SLC12A7: variants seen among roughly 807,000 people sequenced by gnomAD.
SLC12A7 encodes solute carrier family 12 member 7, also known as K-Cl cotransporter 4.
A neutral mutation model predicts 120.6 loss-of-function variants in SLC12A7; 100 were observed. The observed-to-expected ratio is 0.83, with a 90% CI of 0.71 to 0.98. SLC12A7 has a LOEUF of 0.98. Among genes scored for constraint, SLC12A7 ranks in the 50% least tolerant of loss-of-function variants. SLC12A7 has a pLI of 0.00. For missense variants in SLC12A7, 1,373 were observed against 1,548.1 expected (o/e 0.89, Z 1.90); for synonymous variants, 760 against 678.0 (o/e 1.12, Z -1.88).
chr5:1,079,729 G>A (rs1389955872), intron 9 of SLC12A7, among the ~76,000 whole-genome samples: 8 of 152,180 alleles, frequency 5.3e-5, no homozygotes, highest in African/African-American at 1.2e-4. Context: ...ATCCGAGGAC[G>A]AGAACCGACC....
Position 1,052,294 on chromosome 5 carries a change from GC to G in SLC12A7, c.*65del. 1 of 1,366,030 alleles carries G rather than the reference GC, an allele frequency of 7.3e-7. No individual in the cohort carries two copies. The highest frequency in any genetic ancestry group is 1.0e-6 in the Non-Finnish European group (1 of 956,666). The allele number at this position is 1,366,030 out of a possible 1,614,324, so 84.6% of individuals were successfully genotyped here. On this transcript the variant is annotated 3_prime_UTR_variant, in exon 24 of 24. Transcript: ENST00000264930. Reference sequence around the variant, plus strand: ...TCTGCCGTCTGTTTCCCTGGGCCAAGCCCAGGCCCAGGCTGCCCACGCCGTC... The same window carrying G: ...TCTGCCGTCTGTTTCCCTGGGCCAAGCCAGGCCCAGGCTGCCCACGCCGTC...
chr5:1,140,870 A>G, the SLC12A7 span, among the ~76,000 whole-genome samples: 3 of 152,142 alleles, frequency 2.0e-5, no homozygotes, highest in African/African-American at 7.2e-5. Flanking sequence ...ACGCCATGGG[A>G]GAATGTTCTG....
rs897278079 is a variant in SLC12A7, at chr5:1,057,016, G to A, written c.3026+455C>T. On this transcript the variant is annotated intron_variant, in intron 22 of 23. Coordinates refer to ENST00000264930, the MANE Select transcript of SLC12A7 (RefSeq NM_006598.3). ...AACAGACCCATCTGCCTGCTGCAGT[G>A]AGGCTTGCCTGAGTAAAGCAGGCCT... Among the ~76,000 whole-genome samples, 4 of 152,234 alleles carry A rather than the reference G, an allele frequency of 2.6e-5. No homozygotes were observed. The East Asian group carries it at 7.7e-4, about 29-fold the overall frequency.
chr5:1,052,510 C>G, intron 23 of SLC12A7, 59 bp from the exon 24 acceptor site: 2 of 1,410,546 alleles, frequency 1.4e-6, no homozygotes, highest in Admixed American at 3.4e-5. Context: ...TAGCTGAAAT[C>G]GTGATAGGAG....
chr5:1,128,738 C>CGT, the SLC12A7 span, among the ~76,000 whole-genome samples: 5 of 152,248 alleles, frequency 3.3e-5, no homozygotes, highest in East Asian at 1.9e-4. Context: ...TGTATGTGTG[C>CGT]GTGTGTGTGT....
At chr5:1,063,425 G>A (rs1396274136) in intron 20 of SLC12A7, among the ~76,000 whole-genome samples, 4 of 152,128 alleles carry the variant, frequency 2.6e-5, no homozygotes, top group African/African-American at 9.7e-5. Context: ...GAGGACACGG[G>A]ACCATGGAGG....
At chr5:1,069,943 A>G (rs1448797812) in intron 17 of SLC12A7, among the ~76,000 whole-genome samples, 1 of 151,972 alleles carries the variant, frequency 6.6e-6, no homozygotes, top group African/African-American at 2.4e-5. Context: ...CCTCCCCACA[A>G]AGCTCTGAGT....
chr5:1,083,836 G>C lies in SLC12A7; in HGVS notation c.1038C>G (p.Ser346=). The change falls in exon 8 of 24, where the codon TCC becomes TCG. Residue 346 remains serine, a synonymous_variant. Coordinates refer to ENST00000264930, the MANE Select transcript of SLC12A7 (RefSeq NM_006598.3). ...ACTCGTCACAGGCGGCGCTGGGCTG[G>C]GAGCCGTTGCAGAAGAGGCCCCAGA... is the stretch of plus-strand genomic sequence containing the variant. The part of the protein sequence containing the change: ...SALWGLFCNG[S]QPSAACDEYF... 1 of 1,608,818 alleles carries C rather than the reference G, an allele frequency of 6.2e-7. No homozygotes were observed.
intron 17 of SLC12A7, among the ~76,000 whole-genome samples, chr5:1,068,678 G>C (rs774214213): frequency 1.4e-4 from 22 of 152,210 alleles, no homozygotes; most frequent in Admixed American, 3.9e-4. Flanking sequence ...CCGTCCGCAA[G>C]AGCGGGCTCC....
At chr5:1,143,293 A>G in the SLC12A7 span, among the ~76,000 whole-genome samples, 2 of 152,220 alleles carry the variant, frequency 1.3e-5, no homozygotes, top group African/African-American at 2.4e-5. Context: ...ACAAAGCGCC[A>G]TGGGCGGGGG....
At chr5:1,107,801 C>A (rs975442581) in intron 1 of SLC12A7, among the ~76,000 whole-genome samples, 17 of 152,302 alleles carry the variant, frequency 1.1e-4, no homozygotes, top group African/African-American at 3.8e-4. Context: ...GAAGAGGAAA[C>A]CATGAACCTG....
At chr5:1,116,445 A>C (rs1039869251), upstream of SLC12A7, among the ~76,000 whole-genome samples, 2 of 152,204 alleles carry the variant, frequency 1.3e-5, no homozygotes, top group Non-Finnish European at 2.9e-5. Flanking sequence ...TGAATCTGGG[A>C]ATAGAAGGGG....
intron 1 of SLC12A7, among the ~76,000 whole-genome samples, chr5:1,095,079 A>AGGCGGGGGGGC: frequency 7.2e-6 from 1 of 138,782 alleles, no homozygotes; most frequent in East Asian, 2.1e-4. Flanking sequence ...GGCCCGTAGG[A>AGGCGGGGGGGC]GGTGGTGAGG....
intron 1 of SLC12A7, among the ~76,000 whole-genome samples, chr5:1,097,649 AAC>A (rs1741403759): frequency 6.6e-6 from 1 of 152,180 alleles, no homozygotes; most frequent in South Asian, 2.1e-4. Context: ...TTATTAAAGT[AAC>A]ACAGACGATG....
intron 1 of SLC12A7, among the ~76,000 whole-genome samples, chr5:1,108,939 C>T (rs1742778634): frequency 6.6e-6 from 1 of 152,168 alleles, no homozygotes; most frequent in Non-Finnish European, 1.5e-5. Context: ...CCGACACGAG[C>T]TCAGCCACAG....
chr5:1,136,274 ACACC>A, the SLC12A7 span, among the ~76,000 whole-genome samples: 2 of 152,034 alleles, frequency 1.3e-5, no homozygotes, highest in Admixed American at 6.5e-5. Flanking sequence ...ACTCCTCCTG[ACACC>A]CACCAAGACA....
intron 7 of SLC12A7, among the ~76,000 whole-genome samples, chr5:1,084,743 T>C (rs1019681802): frequency 2.0e-5 from 3 of 152,150 alleles, no homozygotes; most frequent in Non-Finnish European, 4.4e-5. Flanking sequence ...CTCAAGGGGC[T>C]TGGCTGCTGG....
the SLC12A7 span, among the ~76,000 whole-genome samples, chr5:1,143,360 G>T: frequency 6.6e-6 from 1 of 152,194 alleles, no homozygotes; most frequent in African/African-American, 2.4e-5. Flanking sequence ...CCAGACCAAG[G>T]GGCTGCTGGG....
Position 1,110,051 on chromosome 5 carries a change from T to C in SLC12A7, c.124+1817A>G, listed in dbSNP as rs1742877489. Among the ~76,000 whole-genome samples, 3 of 152,212 alleles carry C rather than the reference T, an allele frequency of 2.0e-5. No individual in the cohort carries two copies. In the South Asian group the frequency reaches 6.2e-4, roughly 32 times the overall value. On this transcript the variant is annotated intron_variant, in intron 1 of 23. Coordinates refer to ENST00000264930, the MANE Select transcript of SLC12A7 (RefSeq NM_006598.3). Reference sequence around the variant, plus strand: ...CCTCCTTCCCCAGGCTCCGTGCCCATCACGGGACTCCTCGCCGCACCTCTG... The same window carrying C: ...CCTCCTTCCCCAGGCTCCGTGCCCACCACGGGACTCCTCGCCGCACCTCTG...
Sources: gnomAD v4.1 joint callset for allele counts (sites outside exome capture counted in the v4.1 genomes callset) on GRCh38, gnomAD v4.1.1 for gene constraint, MANE v1.5 for transcripts, NCBI Gene and HGNC (gene_info 2026-07-23, HGNC 2026-07-21) for gene names.